SPTBN4: variants seen among roughly 807,000 people sequenced by gnomAD.
SPTBN4 encodes the protein spectrin beta, non-erythrocytic 4.
A neutral mutation model predicts 277.8 loss-of-function variants in SPTBN4; 96 were observed. That is an observed-to-expected ratio of 0.35 (90% CI 0.29 to 0.41). SPTBN4 has a LOEUF of 0.41. SPTBN4 is among the 10% of genes least tolerant of loss of function. The probability of loss-of-function intolerance (pLI) is 1.00; values close to 1 mark genes in which losing one functional copy is unlikely to be tolerated. For synonymous variants in SPTBN4, 1,481 were observed against 1,580.3 expected (o/e 0.94, Z 1.49); for missense variants, 3,006 against 3,595.7 (o/e 0.84, Z 4.19).
At chr19:40,498,938 G>A (rs1039881016) in intron 7 of SPTBN4, among the ~76,000 whole-genome samples, 2 of 151,974 alleles carry the variant, frequency 1.3e-5, no homozygotes, top group Admixed American at 6.6e-5. Flanking sequence ...CTGACCTCAG[G>A]TGATCTGCCC....
At chr19:40,544,127 CTTTTTTT>C (rs10618096) in intron 20 of SPTBN4, among the ~76,000 whole-genome samples, 1 of 128,914 alleles carries the variant, frequency 7.8e-6, no homozygotes, top group Non-Finnish European at 1.6e-5. Context: ...TCTTCTTCCT[CTTTTTTT>C]TTTTTTTTTT....
At chr19:40,482,982 A>AAAAT (rs1377489345) in intron 2 of SPTBN4, among the ~76,000 whole-genome samples, 7 of 151,638 alleles carry the variant, frequency 4.6e-5, no homozygotes, top group African/African-American at 1.7e-4. Context: ...AATAAATAAT[A>AAAAT]AAATAAATAA....
At chr19:40,529,896 C>A (rs989303141) in intron 18 of SPTBN4, among the ~76,000 whole-genome samples, 3 of 152,132 alleles carry the variant, frequency 2.0e-5, no homozygotes, top group African/African-American at 7.2e-5. Context: ...CAGGTCTAAC[C>A]CCTAAACCCC....
At chr19:40,558,808 A>AT (rs980527189) in intron 26 of SPTBN4, among the ~76,000 whole-genome samples, 1 of 151,836 alleles carries the variant, frequency 6.6e-6, no homozygotes, top group Non-Finnish European at 1.5e-5. Flanking sequence ...GGATTTCACC[A>AT]TGTTGGCCAG....
rs1599800885 is a variant in SPTBN4 at position 40,554,342 on chromosome 19, G to C, written c.4870G>C (p.Glu1624Gln). ...GGTGCTGGACGCCGCCTTCCAGGTG[G>C]AGCAGTACTACTTCGACGTGGCTGA... ...QQVLDAAFQV[E>Q]QYYFDVAEVE... The change falls in exon 23 of 36, where the codon GAG (glutamate) becomes CAG (glutamine). Residue 1624 changes from glutamate (E) to glutamine (Q), a missense_variant. Glu to Gln is a conservative substitution (Grantham distance 29). This residue lies in a region of SPTBN4 where 1,759 missense variants were observed against 2,061.5 expected (regional missense o/e 0.85). Transcript: ENST00000598249. The surrounding 1 kb of genome is among the most constrained non-coding windows in gnomAD (Gnocchi z 5.7). 6.4e-7 allele frequency: 1 copy of C among 1,572,384 alleles called. No homozygotes were observed. Among genetic ancestry groups the C allele is most frequent in the East Asian group, 2.3e-5 (1 of 43,156 alleles).
At chr19:40,512,206 T>C (rs894415110) in intron 13 of SPTBN4, among the ~76,000 whole-genome samples, 8 of 152,214 alleles carry the variant, frequency 5.3e-5, no homozygotes, top group African/African-American at 1.7e-4. Flanking sequence ...ATATACAGAA[T>C]CTGAGATGCT....
intron 2 of SPTBN4, among the ~76,000 whole-genome samples, chr19:40,478,322 A>T (rs1451040906): frequency 2.8e-5 from 4 of 142,594 alleles, no homozygotes; most frequent in East Asian, 3.9e-4. Flanking sequence ...CCTTTAAGAT[A>T]AAAAAAAAAA....
At position 40,560,700 on chromosome 19, in the gene SPTBN4, G is replaced by T; in HGVS notation, c.5915+297G>T. The stretch of plus-strand genomic sequence containing the variant: ...AACAGGCTAAAGACAGGATGGGCAA[G>T]GGAGGTGTGGGACTGTATTTGTGAG... On this transcript the variant is annotated intron_variant, in intron 27 of 35. Transcript: ENST00000598249. This position sits in a 1 kb window ranked among gnomAD's most constrained non-coding sequence, Gnocchi z 5.2. The T allele has an allele frequency of 7.1e-7, 1 of 1,412,052 alleles. No individual in the cohort carries two copies. Among genetic ancestry groups the T allele is most frequent in the Non-Finnish European group, 9.2e-7 (1 of 1,086,038 alleles). The allele number at this position is 1,412,052 out of a possible 1,614,324, so 87.5% of individuals were successfully genotyped here. A position where few individuals can be genotyped will look rare whatever the true frequency, so the allele number is the denominator to read the frequency against.
chr19:40,515,190 G>A lies in SPTBN4; in HGVS notation c.2766-121G>A. 1 of 952,738 alleles carries A rather than the reference G, an allele frequency of 1.0e-6. No homozygotes were observed. The highest frequency in any genetic ancestry group is 1.5e-6 in the Non-Finnish European group (1 of 686,492). The allele number at this position is 952,738 out of a possible 1,614,324, so 59.0% of individuals were successfully genotyped here. On this transcript the variant is annotated intron_variant, in intron 14 of 35. Coordinates refer to ENST00000598249, the MANE Select transcript of SPTBN4 (RefSeq NM_020971.3). The surrounding 1 kb of genome is among the most constrained non-coding windows in gnomAD (Gnocchi z 4.1). Reference sequence around the variant, plus strand: ...ATAAGCAGCAAGTAGAAGAGAAGGAGCCCACAAAGGAGGCTGAAAAGAAGG... The same window carrying A: ...ATAAGCAGCAAGTAGAAGAGAAGGAACCCACAAAGGAGGCTGAAAAGAAGG...
chr19:40,494,295 C>A (rs1288531751), intron 5 of SPTBN4, among the ~76,000 whole-genome samples: 1 of 151,366 alleles, frequency 6.6e-6, no homozygotes, highest in East Asian at 1.9e-4. Context: ...CTTATCTCTT[C>A]TCTCCTCCCT....
intron 27 of SPTBN4, among the ~76,000 whole-genome samples, chr19:40,561,902 G>C (rs1020223086): frequency 6.6e-6 from 1 of 152,158 alleles, no homozygotes; most frequent in Non-Finnish European, 1.5e-5. Flanking sequence ...ATGATAGCTG[G>C]CAAAGTCTCT....
At chr19:40,567,437 A>C (rs1010976223) in intron 30 of SPTBN4, among the ~76,000 whole-genome samples, 2 of 152,206 alleles carry the variant, frequency 1.3e-5, no homozygotes, top group Middle Eastern at 3.2e-3. Flanking sequence ...TTTTTAAAAA[A>C]GTGATTTAGC....
At chr19:40,501,714 C>T (rs1035845601) in intron 7 of SPTBN4, among the ~76,000 whole-genome samples, 2 of 151,842 alleles carry the variant, frequency 1.3e-5, no homozygotes, top group Non-Finnish European at 2.9e-5. Flanking sequence ...TATTTCTCTG[C>T]GGTGGTTTAT....
At chr19:40,467,664 C>A (rs931949617) in intron 1 of SPTBN4, among the ~76,000 whole-genome samples, 1 of 151,734 alleles carries the variant, frequency 6.6e-6, no homozygotes, top group East Asian at 1.9e-4. Context: ...CAGGACACCC[C>A]TTCCCGGCTT....
chr19:40,504,467 GA>G (rs2145851022), intron 12 of SPTBN4, among the ~76,000 whole-genome samples: 1 of 152,298 alleles, frequency 6.6e-6, no homozygotes, highest in African/African-American at 2.4e-5. Context: ...AGCAGTTTCA[GA>G]CCAGCCTGGC....
intron 2 of SPTBN4, among the ~76,000 whole-genome samples, chr19:40,475,522 G>A (rs1000740433): frequency 2.6e-5 from 4 of 151,752 alleles, no homozygotes; most frequent in African/African-American, 9.7e-5. Context: ...GTGCAGTGGC[G>A]CAATGTCAGC....
chr19:40,502,022 C>CTATAAG lies in SPTBN4; in HGVS notation c.886_887insTATAAG (p.Arg296delinsLeuTer). 1 of 1,614,124 alleles carries CTATAAG rather than the reference C, an allele frequency of 6.2e-7. No individual in the cohort carries two copies. Among genetic ancestry groups the CTATAAG allele is most frequent in the Non-Finnish European group, 8.5e-7 (1 of 1,180,040 alleles). On this transcript the variant is annotated stop_gained and protein_altering_variant, in exon 8 of 36. Coordinates refer to ENST00000598249, the MANE Select transcript of SPTBN4 (RefSeq NM_020971.3). LOFTEE classifies it high-confidence loss of function. The surrounding 1 kb of genome is among the most constrained non-coding windows in gnomAD (Gnocchi z 4.9). ...GAAGGCTCTGGCTGTGGAGGGGAAG[C>CTATAAG]GTATCGGGAAGGTATAAGGAGCCAA...
Position 40,546,255 on chromosome 19 carries a change from A to AAAGG in SPTBN4, c.4360-2932_4360-2931insGGAA, listed in dbSNP as rs1367361753. Among the ~76,000 whole-genome samples the AAAGG allele has an allele frequency of 1.6e-3, 250 of 151,756 alleles. 3 individuals are homozygous for AAAGG. Among genetic ancestry groups the AAAGG allele is most frequent in the African/African-American group, 5.9e-3 (244 of 41,430 alleles). On this transcript the variant is annotated intron_variant, in intron 20 of 35. Transcript: ENST00000598249. ...AAAAAAAAAAAAGAAAGAAAGAAAG[A>AAAGG]AAAGAAAAAAGAAAAGGAAGTCTTG... is the stretch of plus-strand genomic sequence containing the variant.
intron 31 of SPTBN4, 102 bp from the exon 32 acceptor site, chr19:40,569,555 G>T: frequency 8.5e-7 from 1 of 1,181,118 alleles, no homozygotes. Context: ...GCAGGGGCCT[G>T]GCACTTCCAG....
Sources: allele counts gnomAD v4.1 joint callset (sites outside exome capture counted in the v4.1 genomes callset), GRCh38; gene constraint gnomAD v4.1.1; regional missense constraint gnomAD v4.1.1; non-coding constraint Gnocchi (gnomAD v3.1); transcripts MANE v1.5; gene names NCBI Gene and HGNC (gene_info 2026-07-23, HGNC 2026-07-21).